Variants in ZSWIM4 observed in about 807,000 individuals in gnomAD.
ZSWIM4 encodes zinc finger SWIM domain-containing protein 4.
Under a neutral mutation model 102.5 loss-of-function variants are expected in ZSWIM4, and 62 were observed. The observed-to-expected ratio is 0.60, with a 90% CI of 0.49 to 0.75. The LOEUF is 0.75. ZSWIM4 is among the 30% of genes least tolerant of loss of function. The probability of loss-of-function intolerance (pLI) is 0.00; values close to 1 mark genes in which losing one functional copy is unlikely to be tolerated. For synonymous variants in ZSWIM4, 652 were observed against 674.5 expected (o/e 0.97, Z 0.52); for missense variants, 1,280 against 1,529.6 (o/e 0.84, Z 2.72).
intron 11 of ZSWIM4, among the ~76,000 whole-genome samples, chr19:13,823,952 G>A (rs1444876869): frequency 6.6e-6 from 1 of 152,106 alleles, no homozygotes; most frequent in Non-Finnish European, 1.5e-5. Flanking sequence ...AGTATGGCTA[G>A]CTCCTGGTGA....
At chr19:13,808,655 C>G (rs1974981582) in intron 3 of ZSWIM4, among the ~76,000 whole-genome samples, 181 bp from the exon 4 acceptor site, 1 of 150,550 alleles carries the variant, frequency 6.6e-6, no homozygotes, top group South Asian at 2.1e-4. Context: ...AGGAGAATCA[C>G]TTGAACCCGG....
At chr19:13,795,930 C>A in intron 1 of ZSWIM4, 129 bp downstream of exon 1, 1 of 544,158 alleles carries the variant, frequency 1.8e-6, no homozygotes, top group South Asian at 9.3e-5. Flanking sequence ...GATTCCACCC[C>A]CAGGACCCTT....
Position 13,830,853 on chromosome 19 carries a change from ACCACCAGCCACT to A in ZSWIM4, c.3126_3137del (p.Thr1043_Ser1046del). ...GGACGCGGCAGTCACCGCCTACATCACCACCAGCCACTCGCGCCTCACGCACATCAGCCCGCG... is the reference window on the plus strand; with the variant it reads ...GGACGCGGCAGTCACCGCCTACATCACGCGCCTCACGCACATCAGCCCGCG... On this transcript the variant is annotated inframe_deletion, in exon 14 of 14. Coordinates refer to ENST00000590508, the MANE Select transcript of ZSWIM4 (RefSeq NM_001367834.3). 6.2e-7 allele frequency: 1 copy of A among 1,612,712 alleles called. No individual in the cohort carries two copies. Among genetic ancestry groups the A allele is most frequent in the Non-Finnish European group, 8.5e-7 (1 of 1,179,428 alleles).
Position 13,819,446 on chromosome 19 carries a change from C to T in ZSWIM4, c.2014C>T (p.Pro672Ser), listed in dbSNP as rs140284869. 4.3e-6 allele frequency: 7 copies of T among 1,609,750 alleles called. No homozygotes were observed. Among genetic ancestry groups the T allele is most frequent in the African/African-American group, 1.3e-5 (1 of 74,864 alleles). ...CCGCTACCTGTTCACCGCACTGCTG[C>T]CTCATGACCCGGACCTGGCCTATCG... The part of the protein sequence containing the change: ...CARYLFTALL[P>S]HDPDLAYRLA... Residue 672 changes from proline (P) to serine (S), a missense_variant, in exon 10 of 14, where the codon CCT becomes TCT. By Grantham distance (74) the Pro-to-Ser change is moderately conservative (BLOSUM62 -1). Coordinates refer to ENST00000590508, the MANE Select transcript of ZSWIM4 (RefSeq NM_001367834.3).
chr19:13,819,752 T>C (rs1975411231), intron 10 of ZSWIM4, among the ~76,000 whole-genome samples: 1 of 150,762 alleles, frequency 6.6e-6, no homozygotes, highest in African/African-American at 2.4e-5. Context: ...CACTGCAACC[T>C]CCACCTCCTG....
intron 3 of ZSWIM4, 83 bp downstream of exon 3, chr19:13,805,231 CTT>C: frequency 7.8e-7 from 1 of 1,277,168 alleles, no homozygotes; most frequent in Non-Finnish European, 1.1e-6. Context: ...GTGCTGGTCA[CTT>C]ACTGACAGAA....
intron 9 of ZSWIM4, among the ~76,000 whole-genome samples, chr19:13,819,107 G>A (rs1182702937): frequency 4.0e-5 from 6 of 151,674 alleles, no homozygotes; most frequent in South Asian, 4.2e-4. Flanking sequence ...CTCGTGATCC[G>A]CCAGCCTCGG....
chr19:13,827,266 CAG>C (rs1314514586), intron 12 of ZSWIM4, among the ~76,000 whole-genome samples: 2 of 151,642 alleles, frequency 1.3e-5, no homozygotes, highest in East Asian at 3.9e-4. Context: ...CTCCAGGTAA[CAG>C]AGCAAGAAGA....
chr19:13,802,432 T>C (rs1974798752), intron 2 of ZSWIM4, among the ~76,000 whole-genome samples: 1 of 151,492 alleles, frequency 6.6e-6, no homozygotes, highest in Admixed American at 6.6e-5. Context: ...ATACAAAAAT[T>C]AGCCAGGTGT....
chr19:13,795,595 C>A lies in ZSWIM4; in HGVS notation c.-54C>A, dbSNP rs1974586892. 1 of 280,574 alleles carries A rather than the reference C, an allele frequency of 3.6e-6. No homozygotes were observed. The highest frequency in any genetic ancestry group is 6.3e-6 in the Non-Finnish European group (1 of 157,628). The allele number at this position is 280,574 out of a possible 1,614,324, so 17.4% of individuals were successfully genotyped here. ...GGAGCCGGCGAAGCGGAGCGGGCAT[C>A]GGACCGAGCCCCCCAAAGAGGCCCC... On this transcript the variant is annotated 5_prime_UTR_variant, in exon 1 of 14. Transcript: ENST00000590508.
intron 2 of ZSWIM4, among the ~76,000 whole-genome samples, chr19:13,804,464 T>C (rs1417485882): frequency 1.4e-5 from 2 of 147,328 alleles, no homozygotes; most frequent in Non-Finnish European, 2.9e-5. Flanking sequence ...AGCAAAGCTC[T>C]GTCCCAAATA....
Position 13,809,361 on chromosome 19 carries a change from G to T in ZSWIM4, c.1012+141G>T. On this transcript the variant is annotated intron_variant, in intron 5 of 13. Coordinates refer to ENST00000590508, the MANE Select transcript of ZSWIM4 (RefSeq NM_001367834.3). This position sits in a 1 kb window ranked among gnomAD's most constrained non-coding sequence, Gnocchi z 4.2. ...ATTTATGAGCGCCTCTAAAGTGCCA[G>T]GCATGGTACTGGGCACTGGTGGTCC... 8.3e-7 allele frequency: 1 copy of T among 1,205,208 alleles called. No homozygotes were observed. Among genetic ancestry groups the T allele is most frequent in the Non-Finnish European group, 1.1e-6 (1 of 888,856 alleles). 74.7% of individuals were successfully genotyped at this position (1,205,208 alleles called of 1,614,324 possible). A position where few individuals can be genotyped will look rare whatever the true frequency, so the allele number is the denominator to read the frequency against.
chr19:13,805,027 G>T lies in ZSWIM4; in HGVS notation c.591G>T (p.Arg197=), dbSNP rs753354132. ...CCGAGACGCTCTCCCAGATGAACCG[G>T]GACCAGCTGCAGAAGTTCGTGCAGT... The part of the protein sequence containing the change: ...PISETLSQMN[R]DQLQKFVQYL... Residue 197 remains arginine (R), a synonymous_variant, in exon 3 of 14, where the codon CGG becomes CGT. Transcript: ENST00000590508. 6.2e-7 allele frequency: 1 copy of T among 1,611,756 alleles called. No homozygotes were observed. The highest frequency in any genetic ancestry group is 8.5e-7 in the Non-Finnish European group (1 of 1,180,026).
At chr19:13,799,120 C>T (rs1165724768) in intron 1 of ZSWIM4, among the ~76,000 whole-genome samples, 1 of 151,878 alleles carries the variant, frequency 6.6e-6, no homozygotes, top group Non-Finnish European at 1.5e-5. Flanking sequence ...TGCTCTGTTG[C>T]CCAGGCTGGA....
chr19:13,814,798 T>TG lies in ZSWIM4; in HGVS notation c.1465dup (p.Ala489GlyfsTer138), dbSNP rs1208499658. On this transcript the variant is annotated frameshift_variant, in exon 7 of 14. Coordinates refer to ENST00000590508, the MANE Select transcript of ZSWIM4 (RefSeq NM_001367834.3). LOFTEE classifies it high-confidence loss of function. ...CCCGCCAGGCCCTGCGGCTGGCAAG[T>TG]GCCATCATCAACACACTCCGGCTGC... The TG allele has an allele frequency of 7.8e-7, 1 of 1,284,242 alleles. No homozygotes were observed. The highest frequency in any genetic ancestry group is 2.3e-5 in the Admixed American group (1 of 43,336). The allele number at this position is 1,284,242 out of a possible 1,614,324, so 79.6% of individuals were successfully genotyped here.
chr19:13,805,261 G>A (rs1370484356), intron 3 of ZSWIM4, 113 bp downstream of exon 3: 4 of 929,228 alleles, frequency 4.3e-6, no homozygotes, highest in East Asian at 2.5e-5. Context: ...GGGGCGGGGG[G>A]CGGAAAACGC....
intron 3 of ZSWIM4, among the ~76,000 whole-genome samples, chr19:13,807,180 A>C (rs1159006156): frequency 6.6e-6 from 1 of 151,948 alleles, no homozygotes; most frequent in Admixed American, 6.6e-5. Flanking sequence ...TGGAAAGATA[A>C]AAGGGGTGAG....
chr19:13,830,784 G>T lies in ZSWIM4; in HGVS notation c.3055G>T (p.Ala1019Ser), dbSNP rs1975744707. 1 of 1,604,802 alleles carries T rather than the reference G, an allele frequency of 6.2e-7. No individual in the cohort carries two copies. Among genetic ancestry groups the T allele is most frequent in the Admixed American group, 1.7e-5 (1 of 58,494 alleles). ...GGGCCCCTTAGGGGCACGCCGGGCC[G>T]CCAAGCCACTGGGTGCCGACCGGGC... ...GLGPLGARRA[A>S]KPLGADRAPL... is the part of the protein sequence containing the mutation. The change falls in exon 14 of 14, where the codon GCC becomes TCC. Residue 1019 changes from alanine (A) to serine (S), a missense_variant. Coordinates refer to ENST00000590508, the MANE Select transcript of ZSWIM4 (RefSeq NM_001367834.3).
Position 13,826,303 on chromosome 19 carries a change from G to A in ZSWIM4, c.2379+590G>A, listed in dbSNP as rs1306133210. On this transcript the variant is annotated intron_variant, in intron 12 of 13. Coordinates refer to ENST00000590508, the MANE Select transcript of ZSWIM4 (RefSeq NM_001367834.3). ...GTGCTATTGGTTAAGGATCATGGGT[G>A]GGTGAGTTTGAAGCTGAGGGTGAGG... 2.6e-5 allele frequency among the ~76,000 whole-genome samples: 4 copies of A among 151,994 alleles called. No homozygotes were observed. In the East Asian group the frequency reaches 7.8e-4, roughly 30 times the overall value.
Sources: gnomAD v4.1 joint callset for allele counts (sites outside exome capture counted in the v4.1 genomes callset) on GRCh38, gnomAD v4.1.1 for gene constraint, Gnocchi (gnomAD v3.1) non-coding constraint, MANE v1.5 for transcripts, NCBI Gene and HGNC (gene_info 2026-07-23, HGNC 2026-07-21) for gene names.